ADAM32: variants seen among roughly 807,000 people sequenced by gnomAD.
ADAM32 encodes disintegrin and metalloproteinase domain-containing protein 32.
Under a neutral mutation model 114.9 loss-of-function variants are expected in ADAM32, and 89 were observed. The observed-to-expected ratio is 0.77, with a 90% CI of 0.65 to 0.92. The LOEUF (loss-of-function observed/expected upper bound fraction) is 0.92. Ranked by LOEUF, ADAM32 falls within the 40% of genes least tolerant of loss-of-function variation. The pLI is 0.00. For missense variants in ADAM32, 870 were observed against 932.8 expected (o/e 0.93, Z 0.88); for synonymous variants, 285 against 307.5 (o/e 0.93, Z 0.77).
intron 2 of ADAM32, among the ~76,000 whole-genome samples, chr8:39,121,534 G>C (rs1840591063): frequency 1.3e-5 from 2 of 152,030 alleles, no homozygotes; most frequent in African/African-American, 4.8e-5. Flanking sequence ...AACCACCATG[G>C]CACGTGCATA....
chr8:39,136,725 T>C lies in ADAM32; in HGVS notation c.200+7T>C. On this transcript the variant is annotated splice_region_variant and intron_variant, in intron 3 of 24. Transcript: ENST00000379907. Reference sequence around the variant, plus strand: ...CTGTGCACCTTAAACAAAGGTAAATTTTTATTCTTTAGTTTTGGATTTTAT... The same window carrying C: ...CTGTGCACCTTAAACAAAGGTAAATCTTTATTCTTTAGTTTTGGATTTTAT... The C allele has an allele frequency of 1.4e-6, 2 of 1,471,092 alleles. No homozygotes were observed. The highest frequency in any genetic ancestry group is 1.3e-5 in the South Asian group (1 of 75,048). The allele number at this position is 1,471,092 out of a possible 1,614,324, so 91.1% of individuals were successfully genotyped here.
At chr8:39,203,296 CT>C (rs1479006354) in intron 11 of ADAM32, among the ~76,000 whole-genome samples, 1 of 152,086 alleles carries the variant, frequency 6.6e-6, no homozygotes. Flanking sequence ...TAAGGACTTG[CT>C]TTATGAATCT....
At chr8:39,278,612 T>C (rs1374005995) in intron 22 of ADAM32, among the ~76,000 whole-genome samples, 1 of 151,882 alleles carries the variant, frequency 6.6e-6, no homozygotes, top group East Asian at 1.9e-4. Context: ...CTTCCAGGTT[T>C]TTACCTACAG....
At chr8:39,279,612 A>G (rs1407716718) in intron 22 of ADAM32, among the ~76,000 whole-genome samples, 1 of 152,090 alleles carries the variant, frequency 6.6e-6, no homozygotes, top group Non-Finnish European at 1.5e-5. Flanking sequence ...TGGGTTCTTC[A>G]TGTATTACAT....
chr8:39,130,365 GT>G (rs1024603958), intron 2 of ADAM32, among the ~76,000 whole-genome samples: 2 of 151,450 alleles, frequency 1.3e-5, no homozygotes, highest in Non-Finnish European at 2.9e-5. Context: ...GATTTTCTTT[GT>G]TTTTTTGTTT....
intron 2 of ADAM32, among the ~76,000 whole-genome samples, chr8:39,130,417 T>C (rs1588484606): frequency 6.6e-6 from 1 of 152,258 alleles, no homozygotes; most frequent in African/African-American, 2.4e-5. Context: ...TTGTTATTTC[T>C]GCTTGCTTTT....
rs1245498260 is a variant in ADAM32, at chr8:39,232,039, C to G, written c.1538C>G (p.Ala513Gly). 2 of 1,610,250 alleles carry G rather than the reference C, an allele frequency of 1.2e-6. No individual in the cohort carries two copies. The highest frequency in any genetic ancestry group is 1.7e-6 in the Non-Finnish European group (2 of 1,178,068). The stretch of plus-strand genomic sequence containing the variant: ...CTAACTTTAACAGGTTCAAGAAATG[C>G]TCCATTTGCCTGCTATGAAGAAATA... ...ESVFGKGSRN[A>G]PFACYEEIQS... Residue 513 changes from alanine to glycine, a missense_variant, in exon 15 of 25, where the codon GCT (alanine) becomes GGT (glycine). By Grantham distance (60) the Ala-to-Gly change is moderately conservative. Transcript: ENST00000379907.
intron 2 of ADAM32, 76 bp from the exon 3 acceptor site, chr8:39,136,581 A>T: frequency 1.1e-6 from 1 of 895,558 alleles, no homozygotes; most frequent in Non-Finnish European, 1.7e-6. Context: ...GTTTGGACAG[A>T]TTAATTGATA....
At chr8:39,119,516 G>C (rs13280710) in intron 2 of ADAM32, among the ~76,000 whole-genome samples, 73,024 of 151,950 alleles carry the variant, frequency 0.48, 18,514 homozygotes, top group South Asian at 0.56. Context: ...TGCCTTTTCT[G>C]TGGAATGTCT....
intron 16 of ADAM32, among the ~76,000 whole-genome samples, chr8:39,237,489 C>T (rs114436589): frequency 1.3e-3 from 195 of 152,230 alleles, no homozygotes; most frequent in African/African-American, 4.4e-3. Context: ...AAGATCTCAG[C>T]CCTGTGCACC....
intron 4 of ADAM32, among the ~76,000 whole-genome samples, chr8:39,148,264 T>A (rs1803625688): frequency 6.6e-6 from 1 of 152,206 alleles, no homozygotes; most frequent in African/African-American, 2.4e-5. Flanking sequence ...TTCACTTTGT[T>A]CCAGCATTGT....
At chr8:39,140,484 T>C (rs1175652579) in intron 3 of ADAM32, among the ~76,000 whole-genome samples, 2 of 152,192 alleles carry the variant, frequency 1.3e-5, no homozygotes, top group African/African-American at 4.8e-5. Context: ...GAACCAGCCT[T>C]GCATCCCAGG....
intron 20 of ADAM32, 49 bp from the exon 21 acceptor site, chr8:39,274,263 C>A: frequency 1.3e-6 from 2 of 1,589,022 alleles, no homozygotes; most frequent in East Asian, 2.2e-5. Context: ...ATGAAGTTGG[C>A]AAGTTTTCTT....
At chr8:39,107,978 C>T (rs1380048470) in intron 1 of ADAM32, 145 bp downstream of exon 1, 11 of 1,144,632 alleles carry the variant, frequency 9.6e-6, no homozygotes, top group Non-Finnish European at 1.3e-5. Flanking sequence ...TTAGGCGCCC[C>T]GTCCGGATGG....
intron 6 of ADAM32, among the ~76,000 whole-genome samples, chr8:39,158,957 A>G (rs189387946): frequency 1.3e-5 from 2 of 152,018 alleles, no homozygotes; most frequent in African/African-American, 2.4e-5. Flanking sequence ...AGTTTTTCAT[A>G]GCTTTTTGAA....
At chr8:39,136,342 G>T (rs1802802327) in intron 2 of ADAM32, among the ~76,000 whole-genome samples, 1 of 152,140 alleles carries the variant, frequency 6.6e-6, no homozygotes, top group Non-Finnish European at 1.5e-5. Context: ...TCCCAATGAT[G>T]CCACCTAAAT....
At chr8:39,253,812 T>C (rs1399620582) in intron 17 of ADAM32, among the ~76,000 whole-genome samples, 1 of 151,574 alleles carries the variant, frequency 6.6e-6, no homozygotes, top group Non-Finnish European at 1.5e-5. Context: ...GAAACTAATA[T>C]TGTTAAACTA....
chr8:39,269,217 AT>A (rs1359740554), intron 19 of ADAM32, among the ~76,000 whole-genome samples: 3 of 152,090 alleles, frequency 2.0e-5, no homozygotes, highest in Non-Finnish European at 4.4e-5. Context: ...GACTACTGGG[AT>A]TTGCCTCAGT....
chr8:39,218,976 GTGAT>G (rs747712838), intron 12 of ADAM32, among the ~76,000 whole-genome samples: 45 of 152,176 alleles, frequency 3.0e-4, no homozygotes, highest in Non-Finnish European at 5.9e-4. Flanking sequence ...TAGTGAGTAG[GTGAT>G]TGATCCTTCC....
Sources: allele counts gnomAD v4.1 joint callset (sites outside exome capture counted in the v4.1 genomes callset), GRCh38; gene constraint gnomAD v4.1.1; transcripts MANE v1.5; gene names NCBI Gene and HGNC (gene_info 2026-07-23, HGNC 2026-07-21).